ZSWIM5: variants seen among roughly 807,000 people sequenced by gnomAD.
The protein encoded by ZSWIM5 is zinc finger SWIM-type containing 5.
A neutral mutation model predicts 119.6 loss-of-function variants in ZSWIM5; 55 were observed. That is an observed-to-expected ratio of 0.46 (90% CI 0.37 to 0.58). The LOEUF (loss-of-function observed/expected upper bound fraction) is 0.58. ZSWIM5 is among the 20% of genes least tolerant of loss of function. The pLI is 0.00. For synonymous variants in ZSWIM5, 537 were observed against 606.9 expected (o/e 0.88, Z 1.69); for missense variants, 1,193 against 1,512.8 (o/e 0.79, Z 3.51).
intron 5 of ZSWIM5, among the ~76,000 whole-genome samples, chr1:45,045,995 T>A (rs1433762168): frequency 6.6e-6 from 1 of 151,722 alleles, no homozygotes; most frequent in East Asian, 1.9e-4. Context: ...AAGGTAGAAG[T>A]ATATTTGGAG....
chr1:45,103,179 T>C (rs1222407010), intron 1 of ZSWIM5, among the ~76,000 whole-genome samples: 1 of 152,194 alleles, frequency 6.6e-6, no homozygotes. Context: ...GGCTCATAAT[T>C]GATATTTATG....
Position 45,018,410 on chromosome 1 carries a change from T to C in ZSWIM5, c.*44A>G. On this transcript the variant is annotated 3_prime_UTR_variant, in exon 14 of 14. Coordinates refer to ENST00000359600, the MANE Select transcript of ZSWIM5 (RefSeq NM_020883.2). The surrounding 1 kb of genome is among the most constrained non-coding windows in gnomAD (Gnocchi z 6.7). ...CAGTGCCCTTGGCCTGACCTGATACTACCTGGGAACCCAGGCTGCTCTGGC... is the reference window on the plus strand; with the variant it reads ...CAGTGCCCTTGGCCTGACCTGATACCACCTGGGAACCCAGGCTGCTCTGGC... 1 of 1,589,596 alleles carries C rather than the reference T, an allele frequency of 6.3e-7. No homozygotes were observed. The highest frequency in any genetic ancestry group is 2.2e-5 in the East Asian group (1 of 44,786).
chr1:45,181,140 T>C (rs1021157967), intron 1 of ZSWIM5, among the ~76,000 whole-genome samples: 2 of 152,064 alleles, frequency 1.3e-5, no homozygotes, highest in Non-Finnish European at 2.9e-5. Flanking sequence ...TACTCCGAGC[T>C]AAAGGAGGAA....
chr1:45,078,425 T>C (rs985986289), intron 2 of ZSWIM5, among the ~76,000 whole-genome samples: 2 of 152,186 alleles, frequency 1.3e-5, no homozygotes, highest in African/African-American at 2.4e-5. Flanking sequence ...TGCAGACCCA[T>C]AGAGGTACTA....
chr1:45,035,833 G>A lies in ZSWIM5; in HGVS notation c.2156-10C>T. The stretch of plus-strand genomic sequence containing the variant: ...CCGCTGAAAGGACCTCCTGGAGGAA[G>A]ATAAGCCAGCCAGTTATTTATCTGT... On this transcript the variant is annotated splice_polypyrimidine_tract_variant and intron_variant, in intron 9 of 13. Transcript: ENST00000359600. The A allele has an allele frequency of 1.2e-6, 2 of 1,612,244 alleles. No individual in the cohort carries two copies. Among genetic ancestry groups the A allele is most frequent in the Non-Finnish European group, 1.7e-6 (2 of 1,179,412 alleles).
intron 11 of ZSWIM5, among the ~76,000 whole-genome samples, chr1:45,022,021 C>CAAA (rs111486389): frequency 1.4e-5 from 2 of 138,860 alleles, no homozygotes; most frequent in African/African-American, 2.7e-5. Flanking sequence ...GACTCCGTCT[C>CAAA]AAAAAAAAAA....
At chr1:45,165,755 A>G (rs1187131907) in intron 1 of ZSWIM5, among the ~76,000 whole-genome samples, 1 of 152,148 alleles carries the variant, frequency 6.6e-6, no homozygotes, top group Non-Finnish European at 1.5e-5. Flanking sequence ...CACCCTCCCA[A>G]GACTAAACCA....
chr1:45,151,934 C>T (rs1032765053), intron 1 of ZSWIM5, among the ~76,000 whole-genome samples: 2 of 152,174 alleles, frequency 1.3e-5, no homozygotes, highest in Non-Finnish European at 2.9e-5. Flanking sequence ...TTTTTATTTA[C>T]TCAACTGGTA....
At chr1:45,164,615 G>A (rs776294428) in intron 1 of ZSWIM5, among the ~76,000 whole-genome samples, 10 of 152,092 alleles carry the variant, frequency 6.6e-5, no homozygotes, top group Non-Finnish European at 1.5e-4. Flanking sequence ...AAAATAAAGG[G>A]ATGGAGGAAG....
chr1:45,063,407 C>A (rs1019273592), intron 2 of ZSWIM5, among the ~76,000 whole-genome samples: 5 of 152,166 alleles, frequency 3.3e-5, no homozygotes, highest in Admixed American at 6.5e-5. Context: ...TGATCATAAT[C>A]ACTTCCCTGC....
At chr1:45,205,727 G>T (rs1009997913) in intron 1 of ZSWIM5, 29 bp downstream of exon 1, 1 of 1,521,948 alleles carries the variant, frequency 6.6e-7, no homozygotes. Flanking sequence ...GGAGGCTGAG[G>T]ACCCGAGAAC....
At chr1:45,025,198 T>G (rs1644914401) in intron 11 of ZSWIM5, among the ~76,000 whole-genome samples, 1 of 152,208 alleles carries the variant, frequency 6.6e-6, no homozygotes, top group Non-Finnish European at 1.5e-5. Flanking sequence ...GTTTCTCAGT[T>G]TTTCAACAGT....
intron 11 of ZSWIM5, among the ~76,000 whole-genome samples, chr1:45,029,523 G>A (rs7537361): frequency 0.59 from 90,283 of 151,956 alleles, 28,046 homozygotes; most frequent in Middle Eastern, 0.76. Context: ...GCCAGGTTTC[G>A]ATTGTAAAGT....
intron 1 of ZSWIM5, 69 bp downstream of exon 1, chr1:45,205,672 GTCTCGGCCCCAGGGC>G: frequency 7.5e-7 from 1 of 1,340,664 alleles, no homozygotes; most frequent in Non-Finnish European, 9.8e-7. Context: ...GAAGGCCGGG[GTCTCGGCCCCAGGGC>G]TCGGGCCGAG....
At chr1:45,139,935 G>A (rs1645716772) in intron 1 of ZSWIM5, among the ~76,000 whole-genome samples, 1 of 151,954 alleles carries the variant, frequency 6.6e-6, no homozygotes, top group Admixed American at 6.5e-5. Context: ...ACTGGAAACA[G>A]TAGCAATGTA....
chr1:45,158,982 G>C (rs1645847282), intron 1 of ZSWIM5, among the ~76,000 whole-genome samples: 1 of 152,080 alleles, frequency 6.6e-6, no homozygotes, highest in Non-Finnish European at 1.5e-5. Flanking sequence ...TTTATATTAG[G>C]CTACCAGTTA....
intron 1 of ZSWIM5, among the ~76,000 whole-genome samples, chr1:45,120,263 G>C (rs1031940683): frequency 6.6e-6 from 1 of 152,188 alleles, no homozygotes; most frequent in Non-Finnish European, 1.5e-5. Context: ...AGAATCACTT[G>C]AACCCCGGAG....
intron 4 of ZSWIM5, among the ~76,000 whole-genome samples, chr1:45,052,542 G>GT: frequency 6.6e-6 from 1 of 152,056 alleles, no homozygotes; most frequent in Admixed American, 6.6e-5. Context: ...GGCCAAGGAG[G>GT]GCAGATCACT....
chr1:45,082,185 G>T (rs927045321), intron 2 of ZSWIM5, among the ~76,000 whole-genome samples: 2 of 151,528 alleles, frequency 1.3e-5, no homozygotes, highest in Non-Finnish European at 2.9e-5. Context: ...GGACACAAAC[G>T]CTGCGGAAGG....
Sources: allele counts gnomAD v4.1 joint callset (sites outside exome capture counted in the v4.1 genomes callset), GRCh38; gene constraint gnomAD v4.1.1; non-coding constraint Gnocchi (gnomAD v3.1); transcripts MANE v1.5; gene names NCBI Gene and HGNC (gene_info 2026-07-23, HGNC 2026-07-21).